Variants in FOXN3 observed in about 807,000 individuals in gnomAD.
FOXN3 encodes forkhead box N3.
FOXN3 carries 7 observed loss-of-function variants against 38.4 expected under a neutral mutation model. The observed-to-expected ratio is 0.18, with a 90% CI of 0.10 to 0.34. The LOEUF is 0.34. Ranked by LOEUF, FOXN3 falls within the 10% of genes least tolerant of loss-of-function variation. The probability of loss-of-function intolerance (pLI) is 1.00; values close to 1 mark genes in which losing one functional copy is unlikely to be tolerated. For synonymous variants in FOXN3, 230 were observed against 242.2 expected, an observed-to-expected ratio of 0.95 and a Z score of 0.47; for missense variants, 456 against 613.4, an observed-to-expected ratio of 0.74 and a Z score of 2.71.
chr14:89,426,653 G>C (rs752496602), intron 1 of FOXN3, among the ~76,000 whole-genome samples: 4 of 152,210 alleles, frequency 2.6e-5, no homozygotes, highest in Admixed American at 6.5e-5. Flanking sequence ...ATGCCAGACA[G>C]TGTTCTAAAG....
chr14:89,289,200 AAAGAAAAAGAAAAG>A (rs1886782119), intron 3 of FOXN3, among the ~76,000 whole-genome samples: 1 of 6,674 alleles, frequency 1.5e-4, no homozygotes, highest in African/African-American at 2.1e-4. Context: ...AAAAAAAAGA[AAAGAAAAAGAAAAG>A]AAAAGAAAAA....
In FOXN3 at chr14:89,280,507, A is replaced by G. The variant is rs564445679; in HGVS notation, c.745+443T>C. 1.0e-3 allele frequency among the ~76,000 whole-genome samples: 152 copies of G among 152,318 alleles called. 2 individuals carry two copies. Among genetic ancestry groups the G allele is most frequent in the African/African-American group, 3.5e-3 (147 of 41,574 alleles). ...CAGGTACATGTAGATGTTGGGCAAC[A>G]GTAAGAAATGCATGCACCTCCATGA... is the stretch of plus-strand genomic sequence containing the variant. On this transcript the variant is annotated intron_variant, in intron 4 of 5. Transcript: ENST00000557258.
chr14:89,459,812 C>T (rs1350512214), intron 1 of FOXN3, among the ~76,000 whole-genome samples: 1 of 152,102 alleles, frequency 6.6e-6, no homozygotes, highest in Non-Finnish European at 1.5e-5. Flanking sequence ...CTGGATAGTA[C>T]AGAATCCCCC....
At chr14:89,474,147 T>G (rs904253049) in intron 1 of FOXN3, among the ~76,000 whole-genome samples, 1 of 152,238 alleles carries the variant, frequency 6.6e-6, no homozygotes, top group Non-Finnish European at 1.5e-5. Flanking sequence ...TTAGCCATCA[T>G]TACTTTTTTC....
chr14:89,281,651 A>G (rs1021544785), intron 3 of FOXN3, among the ~76,000 whole-genome samples: 9 of 152,170 alleles, frequency 5.9e-5, no homozygotes, highest in Non-Finnish European at 7.3e-5. Flanking sequence ...AGAGATCAAT[A>G]TATCACAAAG....
chr14:89,213,269 C>T (rs1884157902), intron 4 of FOXN3, among the ~76,000 whole-genome samples: 1 of 152,210 alleles, frequency 6.6e-6, no homozygotes, highest in Non-Finnish European at 1.5e-5. Flanking sequence ...TCTGTGGAAC[C>T]TTCGTAACTA....
chr14:89,360,767 T>TCCAGCACCACCACCACCACCACCTCCAGC (rs1889494212), intron 2 of FOXN3, among the ~76,000 whole-genome samples: 1 of 17,806 alleles, frequency 5.6e-5, no homozygotes, highest in Non-Finnish European at 9.8e-5. Context: ...CCTCCACCAC[T>TCCAGCACCACCACCACCACCACCTCCAGC]ACCACCTCCA....
intron 1 of FOXN3, among the ~76,000 whole-genome samples, chr14:89,492,566 G>A (rs893042043): frequency 6.6e-6 from 1 of 152,174 alleles, no homozygotes; most frequent in African/African-American, 2.4e-5. Context: ...AGGTCTTTTA[G>A]TTGGGCATGG....
rs1179178526 is a variant in FOXN3 at position 89,375,239 on chromosome 14, TC to T, written c.544-24432del. The stretch of plus-strand genomic sequence containing the variant: ...ATACTTTCAATGGGTATATTATTTT[TC>T]ACTAATCCCTCTGTTCATCGTCAAG... On this transcript the variant is annotated intron_variant, in intron 2 of 5. Transcript: ENST00000557258. Among the ~76,000 whole-genome samples, 10 of 152,336 alleles carry T rather than the reference TC, an allele frequency of 6.6e-5. No homozygotes were observed. In the East Asian group the frequency reaches 1.9e-3, roughly 29 times the overall value.
intron 5 of FOXN3, among the ~76,000 whole-genome samples, chr14:89,176,479 C>T (rs1026398464): frequency 7.2e-5 from 11 of 152,178 alleles, no homozygotes; most frequent in Admixed American, 6.5e-4. Context: ...GTGCTAATGA[C>T]TCTCCCGCCC....
At chr14:89,288,722 CTCTATATATATATATATATATATA>C (rs1886754850) in intron 3 of FOXN3, among the ~76,000 whole-genome samples, 82 of 28,844 alleles carry the variant, frequency 2.8e-3, no homozygotes, top group Admixed American at 7.4e-3. Context: ...CTCTCTCTCT[CTCTATATATATATATATATATATA>C]TATATATATA....
intron 1 of FOXN3, among the ~76,000 whole-genome samples, chr14:89,579,760 C>G (rs999706106): frequency 6.6e-6 from 1 of 152,256 alleles, no homozygotes; most frequent in South Asian, 2.1e-4. Context: ...GTTCAACTAC[C>G]ATTCTTTGTC....
chr14:89,545,628 T>C (rs919904908), intron 1 of FOXN3, among the ~76,000 whole-genome samples: 1 of 152,212 alleles, frequency 6.6e-6, no homozygotes, highest in African/African-American at 2.4e-5. Context: ...ATTATGATGA[T>C]AAAGTGCAAC....
Position 89,186,838 on chromosome 14 carries a change from T to C in FOXN3, c.746-6032A>G, listed in dbSNP as rs562979865. Among the ~76,000 whole-genome samples the C allele has an allele frequency of 2.6e-5, 4 of 152,154 alleles. No homozygotes were observed. The East Asian group carries it at 7.7e-4, about 29-fold the overall frequency. On this transcript the variant is annotated intron_variant, in intron 4 of 5. Coordinates refer to ENST00000557258, the MANE Select transcript of FOXN3 (RefSeq NM_005197.4). Reference sequence around the variant, plus strand: ...TGAAGCATTAGACTGAAATGAGAGGTGGAGGGACCCCTAGGGACTCCAGCC... The same window carrying C: ...TGAAGCATTAGACTGAAATGAGAGGCGGAGGGACCCCTAGGGACTCCAGCC...
intron 1 of FOXN3, among the ~76,000 whole-genome samples, chr14:89,522,060 A>G (rs1469111221): frequency 6.6e-6 from 1 of 152,044 alleles, no homozygotes. Flanking sequence ...CTAACAGCAA[A>G]GATAATGGTA....
At chr14:89,552,805 G>A (rs1208493968) in intron 1 of FOXN3, among the ~76,000 whole-genome samples, 45 of 152,188 alleles carry the variant, frequency 3.0e-4, no homozygotes, top group Admixed American at 2.9e-3. Context: ...GTCACACTGG[G>A]CGGAGGCTGC....
At chr14:89,211,725 C>T (rs1048772349) in intron 4 of FOXN3, among the ~76,000 whole-genome samples, 4 of 152,334 alleles carry the variant, frequency 2.6e-5, no homozygotes, top group South Asian at 4.1e-4. Context: ...AGTCTCACCC[C>T]AGAGAGCATC....
chr14:89,354,553 A>AAAG (rs1251481498), intron 2 of FOXN3, among the ~76,000 whole-genome samples: 1 of 149,190 alleles, frequency 6.7e-6, no homozygotes, highest in African/African-American at 2.4e-5. Flanking sequence ...TAAAAAAAAA[A>AAAG]AAAAAAAAGA....
intron 2 of FOXN3, among the ~76,000 whole-genome samples, chr14:89,355,790 T>C (rs1889195304): frequency 6.6e-6 from 1 of 152,218 alleles, no homozygotes; most frequent in Admixed American, 6.5e-5. Flanking sequence ...AAGTTTGGTA[T>C]CCACTGATCT....
Sources: gnomAD v4.1 joint callset for allele counts (sites outside exome capture counted in the v4.1 genomes callset) on GRCh38, gnomAD v4.1.1 for gene constraint, MANE v1.5 for transcripts, NCBI Gene and HGNC (gene_info 2026-07-23, HGNC 2026-07-21) for gene names.